Variants in PHLDB1 observed in about 807,000 individuals in gnomAD.
The protein encoded by PHLDB1 is pleckstrin homology-like domain family B member 1.
Under a neutral mutation model 139.3 loss-of-function variants are expected in PHLDB1, and 65 were observed. That is an observed-to-expected ratio of 0.47 (90% CI 0.38 to 0.57). PHLDB1 has a LOEUF of 0.57. Among genes scored for constraint, PHLDB1 ranks in the 20% least tolerant of loss-of-function variants. The probability of loss-of-function intolerance (pLI) is 0.00; values close to 1 mark genes in which losing one functional copy is unlikely to be tolerated. For synonymous variants in PHLDB1, 679 were observed against 734.5 expected, an observed-to-expected ratio of 0.92 and a Z score of 1.22; for missense variants, 1,624 against 1,839.7, an observed-to-expected ratio of 0.88 and a Z score of 2.14.
Position 118,623,188 on chromosome 11 carries a change from G to C in PHLDB1, c.356-1746G>C, listed in dbSNP as rs1477054124. On this transcript the variant is annotated intron_variant, in intron 4 of 22. Transcript: ENST00000600882. ...TCTGCCAGTCTTAGCTCAGACTGGC[G>C]TGAAGCTTGGGGTGCCAAGTGGCAC... 2.0e-5 allele frequency among the ~76,000 whole-genome samples: 3 copies of C among 152,242 alleles called. No homozygotes were observed. In the East Asian group the frequency reaches 5.8e-4, roughly 29 times the overall value.
chr11:118,643,811 C>A lies in PHLDB1; in HGVS notation c.2889C>A (p.Ser963=), dbSNP rs140134120. The part of the protein sequence containing the change: ...KASRQLQVYR[S]KMDGEATSPL... ...TCTTTTCTTTCCAGGTTTACCGCTC[C>A]AAGATGGATGGCGAGGCCACCAGCC... is the stretch of plus-strand genomic sequence containing the variant. Residue 963 remains serine (S), a synonymous_variant, in exon 14 of 23, where the codon TCC becomes TCA. Transcript: ENST00000600882. 4 of 1,614,022 alleles carry A rather than the reference C, an allele frequency of 2.5e-6. No individual in the cohort carries two copies. The highest frequency in any genetic ancestry group is 1.7e-5 in the Admixed American group (1 of 60,008).
chr11:118,616,784 C>T (rs1555090019), intron 4 of PHLDB1, among the ~76,000 whole-genome samples: 2 of 152,214 alleles, frequency 1.3e-5, no homozygotes, highest in East Asian at 1.9e-4. Context: ...GTGGCTCACG[C>T]CTACAATCCC....
rs1555112082 is a variant in PHLDB1 at position 118,632,366 on chromosome 11, T to C, written c.2379+70T>C. On this transcript the variant is annotated intron_variant, in intron 9 of 22. Coordinates refer to ENST00000600882, the MANE Select transcript of PHLDB1 (RefSeq NM_001144758.3). The surrounding 1 kb of genome is among the most constrained non-coding windows in gnomAD (Gnocchi z 5.9). ...GGGAGAGAAGGAGAAATGTCTTCTC[T>C]GGGGCCCTGTACCCTTCACCTCATC... 4.0e-6 allele frequency: 6 copies of C among 1,501,142 alleles called. No homozygotes were observed. Among genetic ancestry groups the C allele is most frequent in the Non-Finnish European group, 5.5e-6 (6 of 1,084,264 alleles). 93.0% of individuals were successfully genotyped at this position (1,501,142 alleles called of 1,614,324 possible). A position where few individuals can be genotyped will look rare whatever the true frequency, so the allele number is the denominator to read the frequency against.
chr11:118,650,189 G>T lies in PHLDB1; in HGVS notation c.3767G>T (p.Ser1256Ile). The stretch of plus-strand genomic sequence containing the variant: ...ACCTGCCTGCACGTGGTGCTCAGCA[G>T]CAAGGTACAAGGCGTGTGTGGCCCT... ...VDTCLHVVLS[S>I]KVCRGYLVKM... Residue 1256 changes from serine to isoleucine, a missense_variant, in exon 19 of 23, where the codon AGC becomes ATC. Ser to Ile is a moderately radical substitution (Grantham distance 142, BLOSUM62 -2). Coordinates refer to ENST00000600882, the MANE Select transcript of PHLDB1 (RefSeq NM_001144758.3). This position sits in a 1 kb window ranked among gnomAD's most constrained non-coding sequence, Gnocchi z 4.7. 6.2e-7 allele frequency: 1 copy of T among 1,609,914 alleles called. No individual in the cohort carries two copies. Among genetic ancestry groups the T allele is most frequent in the Non-Finnish European group, 8.5e-7 (1 of 1,176,186 alleles).
Position 118,645,041 on chromosome 11 carries a change from G to A in PHLDB1, c.3122-315G>A, listed in dbSNP as rs1206921514. ...CCTGCCTAGACCTACTTAGGCCTTG[G>A]TTGTGAGCTGGAGCCAACTGGCTGT... On this transcript the variant is annotated intron_variant, in intron 15 of 22. Coordinates refer to ENST00000600882, the MANE Select transcript of PHLDB1 (RefSeq NM_001144758.3). This position sits in a 1 kb window ranked among gnomAD's most constrained non-coding sequence, Gnocchi z 5.1. The A allele has an allele frequency of 5.5e-6, 2 of 362,310 alleles. No homozygotes were observed. Among genetic ancestry groups the A allele is most frequent in the African/African-American group, 2.1e-5 (1 of 47,516 alleles). The allele number at this position is 362,310 out of a possible 1,614,324, so 22.4% of individuals were successfully genotyped here.
In PHLDB1 at chr11:118,631,455, C is replaced by T. The variant is rs35435609; in HGVS notation, c.2076C>T (p.Ser692=). The T allele has an allele frequency of 0.048, 68,366 of 1,433,856 alleles. 1,806 individuals are homozygous for T. Among genetic ancestry groups the T allele is most frequent in the African/African-American group, 0.062 (4,284 of 68,644 alleles). The allele number at this position is 1,433,856 out of a possible 1,614,324, so 88.8% of individuals were successfully genotyped here. A position where few individuals can be genotyped will look rare whatever the true frequency, so the allele number is the denominator to read the frequency against. Residue 692 remains serine (S), a synonymous_variant, in exon 7 of 23, where the codon AGC becomes AGT. Transcript: ENST00000600882. ...SDEENLKEEC[S]STESTQQEHE... is the part of the protein sequence containing the mutation. The stretch of plus-strand genomic sequence containing the variant: ...AGGAAAATCTCAAGGAGGAGTGCAG[C>T]AGCACTGAGAGCACCCAGCAGGAGG...
rs188924053 is a variant in PHLDB1 at position 118,619,199 on chromosome 11, G to T, written c.355+2988G>T. Among the ~76,000 whole-genome samples, 404 of 152,270 alleles carry T rather than the reference G, an allele frequency of 2.7e-3. 3 individuals are homozygous for T. The highest frequency in any genetic ancestry group is 7.9e-3 in the African/African-American group (330 of 41,562). ...AGGGAACCAAGCAGGGGAGGACCCA[G>T]AAAGCCACCAGCTCAGGGCCCAGGC... On this transcript the variant is annotated intron_variant, in intron 4 of 22. Coordinates refer to ENST00000600882, the MANE Select transcript of PHLDB1 (RefSeq NM_001144758.3).
At position 118,645,774 on chromosome 11, in the gene PHLDB1, G is replaced by C; in HGVS notation, c.3456G>C (p.Glu1152Asp). The C allele has an allele frequency of 1.9e-6, 3 of 1,613,846 alleles. No individual in the cohort carries two copies. Among genetic ancestry groups the C allele is most frequent in the Non-Finnish European group, 2.5e-6 (3 of 1,179,784 alleles). The change falls in exon 17 of 23, where the codon GAG becomes GAC. Residue 1152 changes from glutamate (E) to aspartate (D), a missense_variant. By Grantham distance (45) the Glu-to-Asp change is conservative (BLOSUM62 2). Transcript: ENST00000600882. This position sits in a 1 kb window ranked among gnomAD's most constrained non-coding sequence, Gnocchi z 5.1. ...GLDMGKIEEMEKMLKEAHAEK... is the reference protein window; with the variant it reads ...GLDMGKIEEMDKMLKEAHAEK... Reference sequence around the variant, plus strand: ...ACATGGGGAAGATCGAGGAGATGGAGAAGATGCTGAAAGAGGCTCATGCAG... The same window carrying C: ...ACATGGGGAAGATCGAGGAGATGGACAAGATGCTGAAAGAGGCTCATGCAG...
chr11:118,631,204 C>A lies in PHLDB1; in HGVS notation c.1828-3C>A. 7.0e-7 allele frequency: 1 copy of A among 1,424,216 alleles called. No homozygotes were observed. The highest frequency in any genetic ancestry group is 9.2e-7 in the Non-Finnish European group (1 of 1,084,702). The allele number at this position is 1,424,216 out of a possible 1,614,324, so 88.2% of individuals were successfully genotyped here. ...CATGTCCTGCTCTGTCCATCCTCCC[C>A]AGGAACGCCAGCGCCTGGAGACCAT... On this transcript the variant is annotated splice_polypyrimidine_tract_variant and splice_region_variant and intron_variant, in intron 6 of 22. Transcript: ENST00000600882.
Position 118,635,463 on chromosome 11 carries a change from G to A in PHLDB1, c.2450G>A (p.Ser817Asn), listed in dbSNP as rs782315071. ...GAGTTCCAGCAGTTGGAGCGGGAGAGCCGCGTGGAGGAGGAGCGCGAGCTG... is the reference window on the plus strand; with the variant it reads ...GAGTTCCAGCAGTTGGAGCGGGAGAACCGCGTGGAGGAGGAGCGCGAGCTG... The part of the protein sequence containing the change: ...DLEFQQLERE[S>N]RVEEERELAG... The change falls in exon 10 of 23, where the codon AGC becomes AAC. Residue 817 changes from serine to asparagine, a missense_variant. By Grantham distance (46) the Ser-to-Asn change is conservative (BLOSUM62 1). Coordinates refer to ENST00000600882, the MANE Select transcript of PHLDB1 (RefSeq NM_001144758.3). The A allele has an allele frequency of 2.8e-5, 45 of 1,612,080 alleles. No homozygotes were observed. The highest frequency in any genetic ancestry group is 3.8e-5 in the Non-Finnish European group (45 of 1,179,292).
chr11:118,646,378 C>G (rs1358176760), intron 17 of PHLDB1: 1 of 150,908 alleles, frequency 6.6e-6, no homozygotes, highest in Non-Finnish European at 1.5e-5. Flanking sequence ...TAACCATTCT[C>G]TAACCAATAA....
Position 118,613,971 on chromosome 11 carries a change from C to A in PHLDB1, c.60+75C>A. ...TCAGCTCTTCTACCCCCTTGTGGTC[C>A]CAGCCCAAGGATGAAAGGAGCAATT... On this transcript the variant is annotated intron_variant, in intron 2 of 22. Coordinates refer to ENST00000600882, the MANE Select transcript of PHLDB1 (RefSeq NM_001144758.3). The A allele has an allele frequency of 6.3e-6, 6 of 949,770 alleles. 1 individual carries two copies. The highest frequency in any genetic ancestry group is 2.8e-5 in the South Asian group (2 of 71,932). 58.8% of individuals were successfully genotyped at this position (949,770 alleles called of 1,614,324 possible).
intron 17 of PHLDB1, 48 bp from the exon 18 acceptor site, chr11:118,647,882 G>T (rs1333965587): frequency 1.3e-6 from 2 of 1,540,760 alleles, no homozygotes; most frequent in South Asian, 1.2e-5. Flanking sequence ...AGGGCCAGTG[G>T]GGGGAAGAGG....
At position 118,639,146 on chromosome 11, in the gene PHLDB1, C is replaced by T. The variant is rs782220961; in HGVS notation, c.2647-16C>T. On this transcript the variant is annotated splice_polypyrimidine_tract_variant and intron_variant, in intron 11 of 22. Transcript: ENST00000600882. ...GGCTCCCACTCCTCTTTGACTCTGCCATTCTGGGCTCGCAGGAGAAGGAGA... is the reference window on the plus strand; with the variant it reads ...GGCTCCCACTCCTCTTTGACTCTGCTATTCTGGGCTCGCAGGAGAAGGAGA... The T allele has an allele frequency of 5.6e-6, 9 of 1,612,240 alleles. No homozygotes were observed. The highest frequency in any genetic ancestry group is 7.6e-6 in the Non-Finnish European group (9 of 1,178,328).
intron 4 of PHLDB1, among the ~76,000 whole-genome samples, chr11:118,617,121 G>A (rs1941808636): frequency 6.6e-6 from 1 of 152,188 alleles, no homozygotes; most frequent in Admixed American, 6.5e-5. Context: ...CAGGTAAGCG[G>A]TTGGCCCAGG....
At chr11:118,643,527 C>G in intron 13 of PHLDB1, 1 of 985,408 alleles carries the variant, frequency 1.0e-6, no homozygotes, top group Non-Finnish European at 1.2e-6. Context: ...GCCTGACTGA[C>G]ATTAAATCCT....
At chr11:118,616,242 C>A (rs782169265) in intron 4 of PHLDB1, 31 bp downstream of exon 4, 2 of 1,603,824 alleles carry the variant, frequency 1.2e-6, no homozygotes, top group East Asian at 4.5e-5. Context: ...ATGGAGGGGG[C>A]CTCTGTTTAA....
In PHLDB1 at chr11:118,643,892, C is replaced by T. The variant is rs782580145; in HGVS notation, c.2970C>T (p.Ser990=). The change falls in exon 14 of 23, where the codon TCC becomes TCT. Residue 990 remains serine, a synonymous_variant. Coordinates refer to ENST00000600882, the MANE Select transcript of PHLDB1 (RefSeq NM_001144758.3). Reference sequence around the variant, plus strand: ...CCTCCTCCTCTGGCTCTTCCTCCTCCTCCTCCCAGCTCAGCGTGGCTACCC... The same window carrying T: ...CCTCCTCCTCTGGCTCTTCCTCCTCTTCCTCCCAGCTCAGCGTGGCTACCC... ...PLPSSSGSSS[S]SSQLSVATLG... 9 of 1,611,428 alleles carry T rather than the reference C, an allele frequency of 5.6e-6. No individual in the cohort carries two copies. The highest frequency in any genetic ancestry group is 1.6e-4 in the Middle Eastern group (1 of 6,076).
chr11:118,614,465 G>A, intron 2 of PHLDB1, 94 bp from the exon 3 acceptor site: 2 of 1,389,398 alleles, frequency 1.4e-6, no homozygotes, highest in Non-Finnish European at 2.0e-6. Context: ...CCTTCGGAGA[G>A]GGGCGAGGGC....
Sources: allele counts gnomAD v4.1 joint callset (sites outside exome capture counted in the v4.1 genomes callset), GRCh38; gene constraint gnomAD v4.1.1; non-coding constraint Gnocchi (gnomAD v3.1); transcripts MANE v1.5; gene names NCBI Gene and HGNC (gene_info 2026-07-23, HGNC 2026-07-21).